ADAM7: variants seen among roughly 807,000 people sequenced by gnomAD.
The protein encoded by ADAM7 is ADAM metallopeptidase domain 7.
In ADAM7, 97 loss-of-function variants were observed where a neutral mutation model predicts 102.9. That is an observed-to-expected ratio of 0.94 (90% CI 0.80 to 1.12). The LOEUF (loss-of-function observed/expected upper bound fraction) is 1.12, where lower values mean the gene tolerates loss of function less well. Ranked by LOEUF, ADAM7 falls within the 50% of genes most tolerant of loss-of-function variation. The pLI, the probability that ADAM7 is intolerant of heterozygous loss-of-function variation, is 0.00. For synonymous variants in ADAM7, 334 were observed against 304.4 expected, an observed-to-expected ratio of 1.10 and a Z score of -1.01; for missense variants, 991 against 908.7, an observed-to-expected ratio of 1.09 and a Z score of -1.16.
chr8:24,505,011 G>A (rs561460115), intron 20 of ADAM7, among the ~76,000 whole-genome samples: 7 of 152,194 alleles, frequency 4.6e-5, no homozygotes, highest in Non-Finnish European at 1.0e-4. Context: ...GAAAGAAACC[G>A]CATGATGCTA....
intron 3 of ADAM7, among the ~76,000 whole-genome samples, chr8:24,457,491 G>T (rs1209847367): frequency 6.6e-6 from 1 of 152,060 alleles, no homozygotes; most frequent in Non-Finnish European, 1.5e-5. Context: ...GGGCAGGCTG[G>T]TCTTGAACTC....
rs1820372498 is a variant in ADAM7, at chr8:24,491,900, C to CA, written c.1357-2dup. The CA allele has an allele frequency of 1.3e-6, 2 of 1,590,714 alleles. No homozygotes were observed. Among genetic ancestry groups the CA allele is most frequent in the Non-Finnish European group, 1.7e-6 (2 of 1,168,862 alleles). On this transcript the variant is annotated splice_region_variant and splice_polypyrimidine_tract_variant and intron_variant, in intron 13 of 21. Coordinates refer to ENST00000175238, the MANE Select transcript of ADAM7 (RefSeq NM_003817.4). Reference sequence around the variant, plus strand: ...ATTTAGTCTCTTTGTTTTTCCTCAACAGATAAAAAAAGCAGGGTCCATATG... The same window carrying CA: ...ATTTAGTCTCTTTGTTTTTCCTCAACAAGATAAAAAAAGCAGGGTCCATATG...
chr8:24,482,999 ACT>A (rs1253587854), intron 9 of ADAM7, among the ~76,000 whole-genome samples: 1 of 151,666 alleles, frequency 6.6e-6, no homozygotes, highest in East Asian at 1.9e-4. Context: ...AAAGCACCTC[ACT>A]CTCTGAACAT....
At chr8:24,467,428 G>A (rs1819465664) in intron 6 of ADAM7, 2 of 174,492 alleles carry the variant, frequency 1.1e-5, no homozygotes, top group South Asian at 1.7e-4. Flanking sequence ...TTTTTGGTGG[G>A]ATGGTTGTAT....
intron 20 of ADAM7, 114 bp downstream of exon 20, chr8:24,501,690 C>A: frequency 7.5e-6 from 5 of 662,660 alleles, no homozygotes; most frequent in Admixed American, 3.4e-5. Flanking sequence ...TGCAGAGGAG[C>A]AATTTAACAT....
At chr8:24,444,258 A>T (rs991170434) in intron 2 of ADAM7, among the ~76,000 whole-genome samples, 3 of 150,218 alleles carry the variant, frequency 2.0e-5, no homozygotes, top group Non-Finnish European at 4.4e-5. Flanking sequence ...TGACTGAATA[A>T]ATAATATATA....
rs2129371000 is a variant in ADAM7 at position 24,442,455 on chromosome 8, T to C, written c.53-18T>C. Reference sequence around the variant, plus strand: ...TGTTAATGTCAGACGGATTTTTTCCTCTTATGTTTCCTCGTAGAAAAGTTC... The same window carrying C: ...TGTTAATGTCAGACGGATTTTTTCCCCTTATGTTTCCTCGTAGAAAAGTTC... On this transcript the variant is annotated intron_variant, in intron 1 of 21. Coordinates refer to ENST00000175238, the MANE Select transcript of ADAM7 (RefSeq NM_003817.4). The C allele has an allele frequency of 1.3e-6, 2 of 1,567,542 alleles. No homozygotes were observed. The highest frequency in any genetic ancestry group is 2.2e-5 in the South Asian group (2 of 90,120).
chr8:24,489,028 C>T, intron 11 of ADAM7, 131 bp from the exon 12 acceptor site: 1 of 731,668 alleles, frequency 1.4e-6, no homozygotes, highest in Non-Finnish European at 2.0e-6. Flanking sequence ...ATAAAGGACC[C>T]AGTTACTTCC....
intron 7 of ADAM7, among the ~76,000 whole-genome samples, chr8:24,470,132 T>C (rs985834341): frequency 1.7e-4 from 26 of 152,126 alleles, no homozygotes; most frequent in African/African-American, 6.3e-4. Flanking sequence ...TAAAATCAAC[T>C]GTAAGAAAGA....
intron 20 of ADAM7, among the ~76,000 whole-genome samples, chr8:24,505,779 G>T (rs1326827978): frequency 6.6e-6 from 1 of 152,058 alleles, no homozygotes; most frequent in African/African-American, 2.4e-5. Context: ...AGGAATTTTT[G>T]TATTTTAATA....
intron 3 of ADAM7, among the ~76,000 whole-genome samples, chr8:24,447,671 T>C (rs1221676469): frequency 6.6e-6 from 1 of 152,170 alleles, no homozygotes; most frequent in Admixed American, 6.6e-5. Flanking sequence ...ATGTAGCGCA[T>C]TTGCTTCGTC....
intron 7 of ADAM7, 60 bp from the exon 8 acceptor site, chr8:24,476,373 G>C: frequency 2.3e-6 from 3 of 1,283,734 alleles, no homozygotes; most frequent in Non-Finnish European, 3.2e-6. Flanking sequence ...GAAGTATTTT[G>C]TTGAGCTTTT....
Position 24,487,807 on chromosome 8 carries a change from T to A in ADAM7, c.1091+490T>A, listed in dbSNP as rs1009713126. On this transcript the variant is annotated intron_variant, in intron 11 of 21. Transcript: ENST00000175238. ...GGGGCTAAATCTTGCCAACTGGTAG[T>A]GTCTCTCTCTAGTGATACCGTGAGA... 9.2e-5 allele frequency among the ~76,000 whole-genome samples: 14 copies of A among 152,286 alleles called. No homozygotes were observed. The South Asian group carries it at 2.9e-3, about 32-fold the overall frequency.
intron 2 of ADAM7, among the ~76,000 whole-genome samples, chr8:24,445,846 G>A (rs1483247801): frequency 6.6e-6 from 1 of 152,106 alleles, no homozygotes; most frequent in South Asian, 2.1e-4. Context: ...ACCTCTGTCT[G>A]TTCTTCAAAT....
Position 24,466,390 on chromosome 8 carries a change from G to A in ADAM7, c.390-409G>A, listed in dbSNP as rs572573675. Among the ~76,000 whole-genome samples, 4 of 152,264 alleles carry A rather than the reference G, an allele frequency of 2.6e-5. 1 individual carries two copies. The highest frequency in any genetic ancestry group is 9.6e-5 in the African/African-American group (4 of 41,564). ...TAGTTCTTAGTGTTTTCAAGAATGA[G>A]AACCCCTTTAATGACACAGTTACCA... is the stretch of plus-strand genomic sequence containing the variant. On this transcript the variant is annotated intron_variant, in intron 5 of 21. Transcript: ENST00000175238.
At chr8:24,466,608 G>T (rs1819433456) in intron 5 of ADAM7, among the ~76,000 whole-genome samples, 191 bp from the exon 6 acceptor site, 1 of 152,082 alleles carries the variant, frequency 6.6e-6, no homozygotes, top group Admixed American at 6.6e-5. Flanking sequence ...CTAGTAAGTT[G>T]ACTCTTAGAA....
intron 21 of ADAM7, 81 bp from the exon 22 acceptor site, chr8:24,508,465 A>G: frequency 7.3e-7 from 1 of 1,374,500 alleles, no homozygotes; most frequent in Non-Finnish European, 1.0e-6. Context: ...TCTAATTAGT[A>G]GATATAAATG....
At chr8:24,483,405 C>T (rs1820027371) in intron 9 of ADAM7, among the ~76,000 whole-genome samples, 1 of 152,176 alleles carries the variant, frequency 6.6e-6, no homozygotes, top group African/African-American at 2.4e-5. Flanking sequence ...ATAGTGCTCA[C>T]TCTTCCTACT....
At chr8:24,476,618 C>A in intron 8 of ADAM7, 114 bp downstream of exon 8, 1 of 674,348 alleles carries the variant, frequency 1.5e-6, no homozygotes, top group Non-Finnish European at 2.4e-6. Flanking sequence ...GTACAAAGCA[C>A]AAAGACTAAT....
Sources: allele counts gnomAD v4.1 joint callset (sites outside exome capture counted in the v4.1 genomes callset), GRCh38; gene constraint gnomAD v4.1.1; transcripts MANE v1.5; gene names NCBI Gene and HGNC (gene_info 2026-07-23, HGNC 2026-07-21).